Variants in NRG3 observed in about 807,000 individuals in gnomAD.
NRG3 encodes the protein pro-neuregulin-3, membrane-bound isoform.
In NRG3, 31 loss-of-function variants were observed where a neutral mutation model predicts 66.9. The observed-to-expected ratio is 0.46, with a 90% CI of 0.35 to 0.63. NRG3 has a LOEUF of 0.63. Ranked by LOEUF, NRG3 falls within the 20% of genes least tolerant of loss-of-function variation. The pLI is 0.00. For missense variants in NRG3, 910 were observed against 878.9 expected (o/e 1.04, Z -0.45); for synonymous variants, 393 against 359.4 (o/e 1.09, Z -1.06).
chr10:82,535,162 A>G (rs1847693305), intron 2 of NRG3, among the ~76,000 whole-genome samples: 1 of 148,792 alleles, frequency 6.7e-6, no homozygotes, highest in Non-Finnish European at 1.5e-5. Context: ...GAGTTCTGAG[A>G]AGGTCCCACA....
intron 2 of NRG3, among the ~76,000 whole-genome samples, chr10:82,396,017 C>T (rs1049607294): frequency 6.6e-6 from 1 of 152,062 alleles, no homozygotes; most frequent in Non-Finnish European, 1.5e-5. Context: ...TTATCAGGAG[C>T]GGTTTGAACA....
At chr10:81,990,163 C>T (rs997723964) in intron 1 of NRG3, among the ~76,000 whole-genome samples, 2 of 152,162 alleles carry the variant, frequency 1.3e-5, no homozygotes, top group African/African-American at 4.8e-5. Context: ...ATGTTCTCAT[C>T]TGTAAAACGG....
At chr10:81,943,239 G>C (rs1425305874) in intron 1 of NRG3, among the ~76,000 whole-genome samples, 1 of 152,062 alleles carries the variant, frequency 6.6e-6, no homozygotes, top group African/African-American at 2.4e-5. Flanking sequence ...AAAATAGCCA[G>C]GTATGGTGAC....
intron 2 of NRG3, among the ~76,000 whole-genome samples, chr10:82,714,825 C>T (rs1005733153): frequency 5.3e-5 from 8 of 151,926 alleles, no homozygotes; most frequent in South Asian, 2.1e-4. Flanking sequence ...AGTGGCACAC[C>T]GCCATGACAC....
At chr10:82,438,764 C>G (rs1033692629) in intron 2 of NRG3, among the ~76,000 whole-genome samples, 16 of 152,120 alleles carry the variant, frequency 1.1e-4, no homozygotes, top group African/African-American at 2.4e-5. Context: ...CCTCCCTTGG[C>G]TGGGGGGAGG....
intron 1 of NRG3, among the ~76,000 whole-genome samples, chr10:82,200,777 A>G (rs2074759466): frequency 6.6e-6 from 1 of 152,100 alleles, no homozygotes; most frequent in African/African-American, 2.4e-5. Flanking sequence ...TTTTGGGTGA[A>G]CTAACACTTA....
At chr10:81,901,005 A>C (rs912588051) in intron 1 of NRG3, among the ~76,000 whole-genome samples, 1 of 152,256 alleles carries the variant, frequency 6.6e-6, no homozygotes, top group African/African-American at 2.4e-5. Context: ...TAATGTTTAC[A>C]TGAAAAAGGA....
chr10:82,325,476 T>C (rs972861604), intron 1 of NRG3, among the ~76,000 whole-genome samples: 2 of 152,204 alleles, frequency 1.3e-5, no homozygotes, highest in Non-Finnish European at 1.5e-5. Context: ...GTGTAATTAC[T>C]CCAGCTTTCT....
At chr10:82,408,037 A>G (rs2087670821) in intron 2 of NRG3, among the ~76,000 whole-genome samples, 1 of 138,016 alleles carries the variant, frequency 7.2e-6, no homozygotes, top group Non-Finnish European at 1.5e-5. Context: ...TGACAGAGCA[A>G]GACTACATCG....
At chr10:82,576,727 A>G (rs2046054828) in intron 2 of NRG3, among the ~76,000 whole-genome samples, 1 of 151,754 alleles carries the variant, frequency 6.6e-6, no homozygotes. Context: ...TGAAAATTCT[A>G]ACCCCCAGGA....
Position 82,428,256 on chromosome 10 carries a change from A to G in NRG3, c.953+69388A>G, listed in dbSNP as rs73306187. The stretch of plus-strand genomic sequence containing the variant: ...TTATTTAGTTTGCTCTTATTTCTCC[A>G]CTTTCTTAAGGTATATGTTTAGGTT... On this transcript the variant is annotated intron_variant, in intron 2 of 8. Coordinates refer to ENST00000372141, the MANE Select transcript of NRG3 (RefSeq NM_001010848.4). 5.5e-3 allele frequency among the ~76,000 whole-genome samples: 840 copies of G among 151,448 alleles called. 8 individuals are homozygous for G. Among genetic ancestry groups the G allele is most frequent in the African/African-American group, 0.02 (816 of 41,298 alleles).
At chr10:82,923,665 T>A (rs1241967082) in intron 4 of NRG3, among the ~76,000 whole-genome samples, 1 of 152,196 alleles carries the variant, frequency 6.6e-6, no homozygotes, top group Non-Finnish European at 1.5e-5. Context: ...GAAATATTTG[T>A]ATAACCAGAA....
intron 2 of NRG3, among the ~76,000 whole-genome samples, chr10:82,618,510 A>T (rs1400325677): frequency 6.6e-6 from 1 of 152,162 alleles, no homozygotes; most frequent in Non-Finnish European, 1.5e-5. Flanking sequence ...CCTGAGTCAA[A>T]CCAATTAAAC....
intron 1 of NRG3, among the ~76,000 whole-genome samples, chr10:82,111,024 G>T (rs1344157096): frequency 6.6e-6 from 1 of 152,150 alleles, no homozygotes; most frequent in Non-Finnish European, 1.5e-5. Flanking sequence ...CAACTTTTCT[G>T]TTGCAAAACT....
intron 1 of NRG3, among the ~76,000 whole-genome samples, chr10:81,971,366 A>G (rs183259630): frequency 1.8e-4 from 28 of 152,320 alleles, no homozygotes; most frequent in Non-Finnish European, 7.3e-5. Context: ...ACGAATTTCT[A>G]AGAGTTGAGA....
chr10:82,419,004 C>T (rs1275591508), intron 2 of NRG3, among the ~76,000 whole-genome samples: 1 of 152,062 alleles, frequency 6.6e-6, no homozygotes, highest in Non-Finnish European at 1.5e-5. Context: ...AAACCAAACC[C>T]TCAAAATTGT....
chr10:82,441,117 A>G (rs894788313), intron 2 of NRG3, among the ~76,000 whole-genome samples: 17 of 152,208 alleles, frequency 1.1e-4, no homozygotes, highest in African/African-American at 3.9e-4. Context: ...ATATTGGAGC[A>G]ATTTGTAGAC....
chr10:82,711,018 T>G (rs2056632045), intron 2 of NRG3, among the ~76,000 whole-genome samples: 1 of 152,192 alleles, frequency 6.6e-6, no homozygotes, highest in Admixed American at 6.5e-5. Flanking sequence ...TTGATCCTCT[T>G]GCCTCAGTCT....
In NRG3 at chr10:82,358,721, C is replaced by T. The variant is rs377554965; in HGVS notation, c.824-18C>T. The T allele has an allele frequency of 1.2e-6, 2 of 1,613,904 alleles. No homozygotes were observed. Among genetic ancestry groups the T allele is most frequent in the Non-Finnish European group, 1.7e-6 (2 of 1,179,966 alleles). On this transcript the variant is annotated intron_variant, in intron 1 of 8. Coordinates refer to ENST00000372141, the MANE Select transcript of NRG3 (RefSeq NM_001010848.4). Reference sequence around the variant, plus strand: ...AATGTACTGCTGACAGCGTTTCCCCCTGTGCTTTCCCTGACAGATACGACG... The same window carrying T: ...AATGTACTGCTGACAGCGTTTCCCCTTGTGCTTTCCCTGACAGATACGACG...
Sources: allele counts gnomAD v4.1 joint callset (sites outside exome capture counted in the v4.1 genomes callset), GRCh38; gene constraint gnomAD v4.1.1; transcripts MANE v1.5; gene names NCBI Gene and HGNC (gene_info 2026-07-23, HGNC 2026-07-21).